Variants in CACNA1A observed in about 807,000 individuals in gnomAD.
CACNA1A encodes calcium voltage-gated channel subunit alpha1 A.
Under a neutral mutation model 262.4 loss-of-function variants are expected in CACNA1A, and 57 were observed. The observed-to-expected ratio is 0.22, with a 90% CI of 0.18 to 0.27. CACNA1A has a LOEUF of 0.27. CACNA1A is among the 10% of genes least tolerant of loss of function. The pLI is 1.00. For synonymous variants in CACNA1A, 1,431 were observed against 1,419.3 expected, an observed-to-expected ratio of 1.01 and a Z score of -0.18; for missense variants, 2,526 against 3,562.8, an observed-to-expected ratio of 0.71 and a Z score of 7.41.
intron 3 of CACNA1A, among the ~76,000 whole-genome samples, chr19:13,406,946 AAC>A (rs145151480): frequency 6.6e-6 from 1 of 150,422 alleles, no homozygotes; most frequent in Non-Finnish European, 1.5e-5. Flanking sequence ...CACACACACA[AAC>A]ACACACACAC....
chr19:13,261,399 C>G, intron 26 of CACNA1A, 51 bp downstream of exon 26: 3 of 1,504,560 alleles, frequency 2.0e-6, no homozygotes, highest in Non-Finnish European at 2.7e-6. Flanking sequence ...CCACTTCCCC[C>G]CTGCCCACCT....
intron 3 of CACNA1A, among the ~76,000 whole-genome samples, chr19:13,411,288 T>C (rs1314760434): frequency 3.3e-5 from 5 of 152,208 alleles, no homozygotes; most frequent in African/African-American, 4.8e-5. Flanking sequence ...CTTGCCCATG[T>C]GATAGGGTTT....
At chr19:13,335,675 TG>T in intron 7 of CACNA1A, 130 bp downstream of exon 7, 1 of 690,132 alleles carries the variant, frequency 1.4e-6, no homozygotes, top group Non-Finnish European at 2.6e-6. Flanking sequence ...AATAACAGTC[TG>T]GTAACCCAAA....
At chr19:13,420,558 A>C (rs997931056) in intron 3 of CACNA1A, among the ~76,000 whole-genome samples, 1 of 152,142 alleles carries the variant, frequency 6.6e-6, no homozygotes, top group Non-Finnish European at 1.5e-5. Flanking sequence ...ATGCCAGACA[A>C]AGAATACCAA....
chr19:13,208,761 G>T lies in CACNA1A; in HGVS notation c.6775C>A (p.Arg2259=), dbSNP rs750267834. The change falls in exon 46 of 47, where the codon CGG becomes AGG. Residue 2259 remains arginine (R), a synonymous_variant. Coordinates refer to ENST00000360228, the MANE Select transcript of CACNA1A (RefSeq NM_001127222.2). ...PSEGREHMAH[R]QGSSSVSGSP... is the part of the protein sequence containing the mutation. ...TCACTTGCAGCCGCACCCACCTGCCGGTGCGCCATGTGCTCTCGGCCCTCG... is the reference window on the plus strand; with the variant it reads ...TCACTTGCAGCCGCACCCACCTGCCTGTGCGCCATGTGCTCTCGGCCCTCG... The T allele has an allele frequency of 3.7e-5, 59 of 1,574,616 alleles. No homozygotes were observed. The highest frequency in any genetic ancestry group is 4.8e-5 in the Non-Finnish European group (56 of 1,167,112).
intron 5 of CACNA1A, chr19:13,364,456 G>C (rs190123010): frequency 2.6e-5 from 4 of 152,276 alleles, no homozygotes; most frequent in Admixed American, 6.5e-5. Context: ...TAGAAGTCAG[G>C]ACTGGTCGAG....
intron 1 of CACNA1A, among the ~76,000 whole-genome samples, chr19:13,497,680 C>T (rs1378617111): frequency 7.2e-6 from 1 of 138,718 alleles, no homozygotes; most frequent in East Asian, 2.1e-4. Flanking sequence ...GAGGTCGAGG[C>T]TATAGTGAGC....
At chr19:13,234,048 T>TAAA (rs60742009) in intron 34 of CACNA1A, among the ~76,000 whole-genome samples, 4,040 of 102,252 alleles carry the variant, frequency 0.04, 149 homozygotes, top group Non-Finnish European at 0.06. Context: ...AGACTCCATC[T>TAAA]AAAAAAAAAA....
chr19:13,376,741 T>C (rs1179200062), intron 3 of CACNA1A, among the ~76,000 whole-genome samples: 2 of 147,764 alleles, frequency 1.4e-5, no homozygotes, highest in Non-Finnish European at 3.0e-5. Context: ...ATATGATATA[T>C]ATAACACAAT....
intron 6 of CACNA1A, 57 bp downstream of exon 6, chr19:13,359,549 G>A: frequency 7.1e-7 from 1 of 1,409,362 alleles, no homozygotes; most frequent in South Asian, 1.2e-5. Context: ...ACTGGTCCCA[G>A]GAGGCCACCT....
intron 1 of CACNA1A, among the ~76,000 whole-genome samples, chr19:13,455,769 C>T (rs1028812986): frequency 6.7e-6 from 1 of 149,574 alleles, no homozygotes; most frequent in African/African-American, 2.5e-5. Context: ...ACTTGGGAGG[C>T]TGAGGCGAGA....
intron 6 of CACNA1A, among the ~76,000 whole-genome samples, chr19:13,342,596 G>A (rs983720318): frequency 3.9e-5 from 6 of 152,172 alleles, no homozygotes; most frequent in African/African-American, 1.4e-4. Context: ...GAGTCCCTTT[G>A]GGGTTGGCTG....
At chr19:13,399,583 G>T (rs536946314) in intron 3 of CACNA1A, among the ~76,000 whole-genome samples, 5 of 152,266 alleles carry the variant, frequency 3.3e-5, no homozygotes, top group African/African-American at 1.2e-4. Flanking sequence ...AGCACGACCA[G>T]TTCTCATTTT....
chr19:13,219,234 G>T (rs2055131578), intron 38 of CACNA1A, among the ~76,000 whole-genome samples: 1 of 148,800 alleles, frequency 6.7e-6, no homozygotes, highest in Non-Finnish European at 1.5e-5. Context: ...TAGAGACAGG[G>T]TTTCACCATG....
Position 13,227,572 on chromosome 19 carries a change from A to G in CACNA1A, c.5529-45T>C, listed in dbSNP as rs748872290. 4.1e-5 allele frequency: 49 copies of G among 1,193,448 alleles called. No homozygotes were observed. In the Middle Eastern group the frequency reaches 8.2e-4, roughly 20 times the overall value. 73.9% of individuals were successfully genotyped at this position (1,193,448 alleles called of 1,614,324 possible). A position where few individuals can be genotyped will look rare whatever the true frequency, so the allele number is the denominator to read the frequency against. ...AAAAAACAAAAACAAAAACAAAAAA[A>G]CAAAACGGGAATGGGAACAGAGAAC... On this transcript the variant is annotated intron_variant, in intron 36 of 46. Coordinates refer to ENST00000360228, the MANE Select transcript of CACNA1A (RefSeq NM_001127222.2).
At chr19:13,289,299 G>A (rs1419936381) in intron 19 of CACNA1A, among the ~76,000 whole-genome samples, 4 of 151,802 alleles carry the variant, frequency 2.6e-5, no homozygotes, top group Non-Finnish European at 5.9e-5. Context: ...CTGCCACCAC[G>A]CCTGGCTAAC....
chr19:13,376,626 CTA>C (rs2059409937), intron 3 of CACNA1A, among the ~76,000 whole-genome samples: 1 of 146,802 alleles, frequency 6.8e-6, no homozygotes, highest in Non-Finnish European at 1.5e-5. Flanking sequence ...ATATAACACA[CTA>C]CACATATGTT....
chr19:13,225,763 A>G (rs564172320), intron 37 of CACNA1A: 12 of 152,326 alleles, frequency 7.9e-5, no homozygotes, highest in Admixed American at 7.9e-4. Context: ...AGAAACACAC[A>G]TAGACTGGGC....
At chr19:13,311,864 A>G (rs186059498) in intron 12 of CACNA1A, among the ~76,000 whole-genome samples, 1 of 151,994 alleles carries the variant, frequency 6.6e-6, no homozygotes, top group East Asian at 1.9e-4. Context: ...ACAAAAAATA[A>G]AAAAAAATAA....
Sources: allele counts gnomAD v4.1 joint callset (sites outside exome capture counted in the v4.1 genomes callset), GRCh38; gene constraint gnomAD v4.1.1; transcripts MANE v1.5; gene names NCBI Gene and HGNC (gene_info 2026-07-23, HGNC 2026-07-21).